CCSER1: variants seen among roughly 807,000 people sequenced by gnomAD.
CCSER1 encodes coiled-coil serine rich protein 1.
A neutral mutation model predicts 82.0 loss-of-function variants in CCSER1; 41 were observed. That is an observed-to-expected ratio of 0.50 (90% confidence interval 0.39 to 0.65). CCSER1 has a LOEUF of 0.65. CCSER1 is among the 30% of genes least tolerant of loss of function. The pLI, the probability that CCSER1 is intolerant of heterozygous loss-of-function variation, is 0.00. For synonymous variants in CCSER1, 414 were observed against 383.9 expected (o/e 1.08, Z -0.92); for missense variants, 1,119 against 1,064.2 (o/e 1.05, Z -0.72).
chr4:90,979,172 G>C (rs1395993147), intron 9 of CCSER1, among the ~76,000 whole-genome samples: 2 of 150,958 alleles, frequency 1.3e-5, no homozygotes, highest in East Asian at 1.9e-4. Context: ...TATATTTAAG[G>C]TGTGTATATA....
intron 1 of CCSER1, among the ~76,000 whole-genome samples, chr4:90,167,741 T>C (rs1195322716): frequency 6.6e-6 from 1 of 152,026 alleles, no homozygotes; most frequent in African/African-American, 2.4e-5. Flanking sequence ...TTTTTGTCCT[T>C]GTGATAGTTT....
intron 1 of CCSER1, among the ~76,000 whole-genome samples, chr4:90,266,576 A>G (rs1725272014): frequency 6.6e-6 from 1 of 152,128 alleles, no homozygotes; most frequent in Non-Finnish European, 1.5e-5. Flanking sequence ...AGATGGTAGG[A>G]AAGAAAGTCT....
intron 10 of CCSER1, among the ~76,000 whole-genome samples, chr4:91,458,899 G>A (rs1368659265): frequency 6.6e-6 from 1 of 151,992 alleles, no homozygotes; most frequent in South Asian, 2.1e-4. Flanking sequence ...AGTGATAGTG[G>A]CATTTTAAAA....
At chr4:91,374,370 T>C (rs1750253836) in intron 10 of CCSER1, among the ~76,000 whole-genome samples, 1 of 152,172 alleles carries the variant, frequency 6.6e-6, no homozygotes, top group Non-Finnish European at 1.5e-5. Flanking sequence ...TTGAAGCAAA[T>C]GTCCATTTAC....
chr4:91,379,304 T>C (rs1750684362), intron 10 of CCSER1, among the ~76,000 whole-genome samples: 1 of 152,176 alleles, frequency 6.6e-6, no homozygotes, highest in African/African-American at 2.4e-5. Flanking sequence ...TTCTATTGAT[T>C]GGAATAGTTT....
intron 5 of CCSER1, among the ~76,000 whole-genome samples, chr4:90,533,427 C>G (rs1191727495): frequency 6.6e-6 from 1 of 152,192 alleles, no homozygotes; most frequent in Non-Finnish European, 1.5e-5. Flanking sequence ...CTCAGATTGT[C>G]TCACTGTGCT....
chr4:91,441,627 T>C (rs1186910127), intron 10 of CCSER1, among the ~76,000 whole-genome samples: 1 of 152,114 alleles, frequency 6.6e-6, no homozygotes, highest in South Asian at 2.1e-4. Context: ...TCAGGGCAGT[T>C]AGGCAGGAGA....
chr4:90,782,409 T>C (rs1017554763), intron 7 of CCSER1, among the ~76,000 whole-genome samples: 31 of 152,156 alleles, frequency 2.0e-4, no homozygotes, highest in African/African-American at 6.5e-4. Context: ...AATGACAAAA[T>C]ATGACTTCTA....
chr4:90,504,801 T>C (rs1203355576), intron 5 of CCSER1, among the ~76,000 whole-genome samples: 1 of 152,096 alleles, frequency 6.6e-6, no homozygotes, highest in African/African-American at 2.4e-5. Flanking sequence ...GTCCTTAGGG[T>C]GGACTCTAAC....
intron 5 of CCSER1, among the ~76,000 whole-genome samples, chr4:90,528,674 T>C (rs1774092332): frequency 6.6e-6 from 1 of 152,196 alleles, no homozygotes; most frequent in African/African-American, 2.4e-5. Context: ...AAAACACACG[T>C]TCCATTAACC....
intron 1 of CCSER1, among the ~76,000 whole-genome samples, chr4:90,140,569 A>G (rs1194035515): frequency 7.2e-5 from 11 of 151,972 alleles, no homozygotes; most frequent in Non-Finnish European, 1.3e-4. Context: ...ATATGTGTGT[A>G]CGTACACATG....
At chr4:91,173,733 T>C (rs888535175) in intron 10 of CCSER1, among the ~76,000 whole-genome samples, 1 of 152,318 alleles carries the variant, frequency 6.6e-6, no homozygotes, top group African/African-American at 2.4e-5. Flanking sequence ...TTTAATGCTC[T>C]ACTTCCTGAG....
intron 4 of CCSER1, among the ~76,000 whole-genome samples, chr4:90,450,200 C>A (rs1379452753): frequency 6.6e-6 from 1 of 152,096 alleles, no homozygotes; most frequent in East Asian, 1.9e-4. Flanking sequence ...AGTTGTATGA[C>A]CACTTGGAGC....
At chr4:90,844,036 A>G (rs994703607) in intron 8 of CCSER1, among the ~76,000 whole-genome samples, 2 of 151,990 alleles carry the variant, frequency 1.3e-5, no homozygotes, top group Non-Finnish European at 2.9e-5. Context: ...ATTATTACAC[A>G]CTATACATTC....
chr4:91,447,510 C>T (rs144437341), intron 10 of CCSER1, among the ~76,000 whole-genome samples: 2 of 151,994 alleles, frequency 1.3e-5, no homozygotes, highest in East Asian at 3.9e-4. Flanking sequence ...TATCACACTA[C>T]TATTATAGCA....
At chr4:90,395,030 TCTC>T (rs1273345519) in intron 3 of CCSER1, among the ~76,000 whole-genome samples, 5 of 152,240 alleles carry the variant, frequency 3.3e-5, no homozygotes, top group African/African-American at 7.2e-5. Flanking sequence ...AGAACTTACT[TCTC>T]CTAACTGAGG....
intron 3 of CCSER1, among the ~76,000 whole-genome samples, chr4:90,345,862 A>G (rs909023993): frequency 6.6e-6 from 1 of 152,098 alleles, no homozygotes; most frequent in Non-Finnish European, 1.5e-5. Flanking sequence ...AAATCATTTC[A>G]GAAATCATTT....
chr4:91,464,861 G>C (rs554447097), intron 10 of CCSER1, among the ~76,000 whole-genome samples: 13 of 152,188 alleles, frequency 8.5e-5, no homozygotes, highest in Admixed American at 7.9e-4. Flanking sequence ...AAAGCAAGTC[G>C]TTAGAGACCT....
At chr4:91,354,506 A>C (rs1376955306) in intron 10 of CCSER1, among the ~76,000 whole-genome samples, 2 of 152,206 alleles carry the variant, frequency 1.3e-5, no homozygotes, top group Admixed American at 6.5e-5. Context: ...TTGGAAATTT[A>C]CTGAATGGAT....
Sources: allele counts gnomAD v4.1 joint callset (sites outside exome capture counted in the v4.1 genomes callset), GRCh38; gene constraint gnomAD v4.1.1; transcripts MANE v1.5; gene names NCBI Gene and HGNC (gene_info 2026-07-23, HGNC 2026-07-21).